Variants in GPHN observed in about 807,000 individuals in gnomAD.
The protein encoded by GPHN is gephyrin.
A neutral mutation model predicts 95.5 loss-of-function variants in GPHN; 17 were observed. The observed-to-expected ratio is 0.18, with a 90% CI of 0.12 to 0.27. The LOEUF (loss-of-function observed/expected upper bound fraction) is 0.27, where lower values mean the gene tolerates loss of function less well. GPHN is among the 10% of genes least tolerant of loss of function. The probability of loss-of-function intolerance (pLI) is 1.00; values close to 1 mark genes in which losing one functional copy is unlikely to be tolerated. For missense variants in GPHN, 660 were observed against 978.1 expected (o/e 0.67, Z 4.34); for synonymous variants, 320 against 322.5 (o/e 0.99, Z 0.08).
rs556770389 is a variant in GPHN, at chr14:66,798,120, T to C, written c.201+21599T>C. 4.6e-4 allele frequency among the ~76,000 whole-genome samples: 70 copies of C among 152,068 alleles called. 1 individual carries two copies. In the South Asian group the frequency reaches 0.014, roughly 30 times the overall value. ...CCATCATTCTGTTGATATGATGTAT[T>C]ACATTGACTGATTTGCATATGTTGA... On this transcript the variant is annotated intron_variant, in intron 3 of 22. Coordinates refer to ENST00000478722, the MANE Select transcript of GPHN (RefSeq NM_020806.5).
chr14:67,517,214 C>T, the GPHN span, among the ~76,000 whole-genome samples: 3 of 152,300 alleles, frequency 2.0e-5, no homozygotes, highest in African/African-American at 7.2e-5. Context: ...CCCCTGTGCC[C>T]CCTTGCCACG....
intron 2 of GPHN, among the ~76,000 whole-genome samples, chr14:66,756,373 A>T (rs1024118622): frequency 6.6e-6 from 1 of 152,040 alleles, no homozygotes; most frequent in Non-Finnish European, 1.5e-5. Flanking sequence ...TCATTCCTCC[A>T]TATCCACAGG....
At chr14:67,458,244 A>T in the GPHN span, among the ~76,000 whole-genome samples, 1 of 152,016 alleles carries the variant, frequency 6.6e-6, no homozygotes, top group East Asian at 1.9e-4. Flanking sequence ...TGGAAGATGG[A>T]TTTGTGGGGT....
At chr14:67,072,170 G>GA (rs2076337671) in intron 11 of GPHN, among the ~76,000 whole-genome samples, 1 of 151,892 alleles carries the variant, frequency 6.6e-6, no homozygotes, top group South Asian at 2.1e-4. Flanking sequence ...GTATGCAGTG[G>GA]AAAAAAATGT....
downstream of GPHN, among the ~76,000 whole-genome samples, chr14:67,184,820 A>C (rs2083360696): frequency 2.6e-5 from 4 of 152,224 alleles, no homozygotes; most frequent in African/African-American, 9.6e-5. Flanking sequence ...GGAAAAGATT[A>C]TCAAGAAAAG....
At chr14:67,477,122 C>T in the GPHN span, among the ~76,000 whole-genome samples, 1 of 150,496 alleles carries the variant, frequency 6.6e-6, no homozygotes, top group Non-Finnish European at 1.5e-5. Context: ...GTCGCGATCG[C>T]ACCATTGCAC....
chr14:67,460,561 G>A, the GPHN span, among the ~76,000 whole-genome samples: 156 of 152,132 alleles, frequency 1.0e-3, 1 homozygote, highest in Middle Eastern at 3.4e-3. Flanking sequence ...AAAATTAGCC[G>A]GGCATGATGG....
the GPHN span, among the ~76,000 whole-genome samples, chr14:67,721,437 G>A: frequency 0.064 from 9,671 of 151,900 alleles, 971 homozygotes; most frequent in African/African-American, 0.21. Flanking sequence ...GTAGAGACAG[G>A]GTCTCACTAA....
chr14:66,816,516 A>G (rs964093038), intron 3 of GPHN, among the ~76,000 whole-genome samples: 1 of 152,198 alleles, frequency 6.6e-6, no homozygotes, highest in African/African-American at 2.4e-5. Flanking sequence ...CAACTCTACA[A>G]TTACATGGAA....
chr14:67,374,283 G>A, the GPHN span, among the ~76,000 whole-genome samples: 2 of 152,090 alleles, frequency 1.3e-5, no homozygotes, highest in African/African-American at 4.8e-5. Context: ...AACACTTTTG[G>A]TCCCAAGCAT....
chr14:67,445,008 G>A, the GPHN span, among the ~76,000 whole-genome samples: 1 of 152,062 alleles, frequency 6.6e-6, no homozygotes, highest in Non-Finnish European at 1.5e-5. Context: ...TGATCTGCCC[G>A]CCTCGGCCTC....
At chr14:66,835,527 A>T (rs1371320086) in intron 4 of GPHN, among the ~76,000 whole-genome samples, 1 of 151,510 alleles carries the variant, frequency 6.6e-6, no homozygotes, top group Non-Finnish European at 1.5e-5. Context: ...TCCCTTTGAA[A>T]ACTGGCACAA....
At chr14:66,962,099 T>C (rs577067539) in intron 8 of GPHN, among the ~76,000 whole-genome samples, 3 of 150,530 alleles carry the variant, frequency 2.0e-5, no homozygotes, top group African/African-American at 7.3e-5. Context: ...TACCTCCAGT[T>C]TTTTTCTTGA....
At chr14:67,280,837 T>TTCCTTCCTTCCTTCCTTCCTTCCTTCCC in the GPHN span, among the ~76,000 whole-genome samples, 1 of 133,522 alleles carries the variant, frequency 7.5e-6, no homozygotes, top group African/African-American at 3.2e-5. Flanking sequence ...CCTTCCTTCC[T>TTCCTTCCTTCCTTCCTTCCTTCCTTCCC]TCCTTCCTTC....
intron 1 of GPHN, among the ~76,000 whole-genome samples, chr14:66,592,901 A>G (rs1222546264): frequency 6.6e-6 from 1 of 152,228 alleles, no homozygotes; most frequent in Non-Finnish European, 1.5e-5. Flanking sequence ...AACCAACCCA[A>G]GTGTCCATCA....
In GPHN at chr14:66,525,160, G is replaced by T. The variant is rs2058636490; in HGVS notation, c.64+16569G>T. On this transcript the variant is annotated intron_variant, in intron 1 of 22. Coordinates refer to ENST00000478722, the MANE Select transcript of GPHN (RefSeq NM_020806.5). ...CTCTACATCCTCTCCAGCATCTGTTGTTTCCTGACTTTTTAATGATCACCA... is the reference window on the plus strand; with the variant it reads ...CTCTACATCCTCTCCAGCATCTGTTTTTTCCTGACTTTTTAATGATCACCA... 4.6e-5 allele frequency among the ~76,000 whole-genome samples: 7 copies of T among 152,224 alleles called. No homozygotes were observed. The South Asian group carries it at 1.5e-3, about 32-fold the overall frequency.
chr14:66,642,559 GT>G (rs200424747), intron 1 of GPHN, among the ~76,000 whole-genome samples: 141 of 139,766 alleles, frequency 1.0e-3, no homozygotes, highest in Non-Finnish European at 1.3e-3. Context: ...TTTGATTTTT[GT>G]TTTTTTTTTT....
intron 11 of GPHN, among the ~76,000 whole-genome samples, chr14:67,061,031 G>A (rs1244870905): frequency 6.6e-6 from 1 of 151,756 alleles, no homozygotes; most frequent in Non-Finnish European, 1.5e-5. Flanking sequence ...TTTAGTTTAG[G>A]TGTTTTTTTT....
chr14:67,291,975 T>C, the GPHN span, among the ~76,000 whole-genome samples: 1 of 152,222 alleles, frequency 6.6e-6, no homozygotes, highest in Admixed American at 6.5e-5. Flanking sequence ...CAAATTTATA[T>C]GTAGCACTGA....
Sources: allele counts gnomAD v4.1 joint callset (sites outside exome capture counted in the v4.1 genomes callset), GRCh38; gene constraint gnomAD v4.1.1; transcripts MANE v1.5; gene names NCBI Gene and HGNC (gene_info 2026-07-23, HGNC 2026-07-21).